Variants in FHIT observed in about 807,000 individuals in gnomAD.
The protein encoded by FHIT is bis(5'-adenosyl)-triphosphatase.
A neutral mutation model predicts 17.9 loss-of-function variants in FHIT; 19 were observed. The ratio of observed to expected loss-of-function variants is 1.06; its 90% CI spans 0.74 to 1.56. The LOEUF (loss-of-function observed/expected upper bound fraction) is 1.56. FHIT is among the 40% of genes most tolerant of loss of function. The pLI is 0.00. For synonymous variants in FHIT, 81 were observed against 69.7 expected, an observed-to-expected ratio of 1.16 and a Z score of -0.81; for missense variants, 248 against 189.2, an observed-to-expected ratio of 1.31 and a Z score of -1.82.
intron 2 of FHIT, among the ~76,000 whole-genome samples, chr3:61,054,101 T>C (rs2034128443): frequency 6.6e-6 from 1 of 152,178 alleles, no homozygotes; most frequent in Non-Finnish European, 1.5e-5. Context: ...ACTGGTGTGG[T>C]ATCCCCAAAC....
chr3:60,323,871 A>G (rs1003297131), intron 5 of FHIT, among the ~76,000 whole-genome samples: 3 of 152,286 alleles, frequency 2.0e-5, no homozygotes, highest in Admixed American at 2.0e-4. Context: ...GCTTTGTTAT[A>G]AGGAAGATTA....
At chr3:60,832,850 A>C (rs1332102797) in intron 3 of FHIT, among the ~76,000 whole-genome samples, 1 of 152,238 alleles carries the variant, frequency 6.6e-6, no homozygotes, top group Non-Finnish European at 1.5e-5. Flanking sequence ...AAAGTTAATA[A>C]GAGATTTTAC....
At chr3:60,649,145 C>A (rs1325224939) in intron 4 of FHIT, among the ~76,000 whole-genome samples, 1 of 152,148 alleles carries the variant, frequency 6.6e-6, no homozygotes, top group African/African-American at 2.4e-5. Flanking sequence ...CGCCTGTAAT[C>A]CCAGCACTTT....
At chr3:60,056,339 TTTCTGCCTGAGAGTAACCA>T in intron 5 of FHIT, among the ~76,000 whole-genome samples, 1 of 152,342 alleles carries the variant, frequency 6.6e-6, no homozygotes, top group Admixed American at 6.5e-5. Context: ...ACTAAAAGGT[TTTCTGCCTGAGAGTAACCA>T]TTTAATATAT....
chr3:60,136,943 T>A lies in FHIT; in HGVS notation c.104-122791A>T, dbSNP rs759824983. Among the ~76,000 whole-genome samples the A allele has an allele frequency of 3.3e-5, 5 of 152,262 alleles. No individual in the cohort carries two copies. The East Asian group carries it at 7.7e-4, about 24-fold the overall frequency. On this transcript the variant is annotated intron_variant, in intron 5 of 9. Transcript: ENST00000492590. Reference sequence around the variant, plus strand: ...CAGTGACCTGATAAGAGGTACAATATCTCCTTGGTTTAATATTTCACCTCT... The same window carrying A: ...CAGTGACCTGATAAGAGGTACAATAACTCCTTGGTTTAATATTTCACCTCT...
At chr3:60,229,924 G>A (rs774348711) in intron 5 of FHIT, among the ~76,000 whole-genome samples, 3 of 152,178 alleles carry the variant, frequency 2.0e-5, no homozygotes, top group Non-Finnish European at 4.4e-5. Context: ...TGAGGCTGCA[G>A]TGAGCTATGA....
intron 3 of FHIT, among the ~76,000 whole-genome samples, chr3:61,025,967 T>C (rs1197546218): frequency 6.6e-6 from 1 of 152,218 alleles, no homozygotes; most frequent in African/African-American, 2.4e-5. Context: ...TTATATATTA[T>C]TTTCATTTTA....
At chr3:61,134,057 C>T (rs1018708467) in intron 2 of FHIT, among the ~76,000 whole-genome samples, 1 of 140,832 alleles carries the variant, frequency 7.1e-6, no homozygotes, top group African/African-American at 2.7e-5. Flanking sequence ...CCACTGCACT[C>T]CAGCCTGGGC....
At chr3:60,031,802 G>A (rs1701014171) in intron 5 of FHIT, among the ~76,000 whole-genome samples, 1 of 152,026 alleles carries the variant, frequency 6.6e-6, no homozygotes. Context: ...TAAAAGGAAG[G>A]AAACACATGA....
chr3:60,957,341 G>T (rs782386618), intron 3 of FHIT, among the ~76,000 whole-genome samples: 11 of 147,696 alleles, frequency 7.4e-5, no homozygotes, highest in Non-Finnish European at 1.6e-4. Context: ...GGGTTCAAGC[G>T]ATTCTCCTGC....
intron 8 of FHIT, among the ~76,000 whole-genome samples, chr3:59,778,731 G>T (rs1345523231): frequency 1.3e-5 from 2 of 152,184 alleles, no homozygotes; most frequent in Admixed American, 1.3e-4. Flanking sequence ...AGTACTTTAG[G>T]CTTGTCATGT....
chr3:61,083,399 G>A (rs911305994), intron 2 of FHIT, among the ~76,000 whole-genome samples: 4 of 152,280 alleles, frequency 2.6e-5, no homozygotes, highest in Middle Eastern at 3.4e-3. Context: ...GACCATCCTG[G>A]CTACCACGGT....
rs143635921 is a variant in FHIT, at chr3:59,863,370, C to G, written c.348+58976G>C. Among the ~76,000 whole-genome samples the G allele has an allele frequency of 2.4e-3, 370 of 152,316 alleles. 1 individual carries two copies. The highest frequency in any genetic ancestry group is 8.4e-3 in the African/African-American group (350 of 41,564). On this transcript the variant is annotated intron_variant, in intron 8 of 9. Transcript: ENST00000492590. ...ATTATCTGCTGAAAGCATTCAAAAC[C>G]ATTGGGTATCCCTGAAGGAGAAAGT...
intron 2 of FHIT, among the ~76,000 whole-genome samples, chr3:61,044,626 C>A (rs932404991): frequency 4.6e-5 from 7 of 152,042 alleles, no homozygotes; most frequent in Non-Finnish European, 1.0e-4. Flanking sequence ...TCAGGAAATA[C>A]AGAGACGCCA....
intron 3 of FHIT, among the ~76,000 whole-genome samples, chr3:60,934,911 C>T (rs961175213): frequency 6.6e-6 from 1 of 152,160 alleles, no homozygotes; most frequent in Non-Finnish European, 1.5e-5. Flanking sequence ...ATGTTCATAA[C>T]ACTGCACCCC....
intron 5 of FHIT, among the ~76,000 whole-genome samples, chr3:60,062,219 A>C (rs1406418111): frequency 6.6e-6 from 1 of 152,138 alleles, no homozygotes; most frequent in Non-Finnish European, 1.5e-5. Flanking sequence ...AAAATTAGAC[A>C]TGGCCTTCTT....
intron 8 of FHIT, among the ~76,000 whole-genome samples, chr3:59,879,730 A>G (rs1000092189): frequency 6.6e-6 from 1 of 152,202 alleles, no homozygotes; most frequent in Non-Finnish European, 1.5e-5. Context: ...CAATGATGGG[A>G]TAATCACAGC....
At position 59,871,624 on chromosome 3, in the gene FHIT, G is replaced by C. The variant is rs147870110; in HGVS notation, c.348+50722C>G. Among the ~76,000 whole-genome samples the C allele has an allele frequency of 1.4e-3, 206 of 152,284 alleles. 3 individuals are homozygous for C. In the East Asian group the frequency reaches 0.031, roughly 23 times the overall value. On this transcript the variant is annotated intron_variant, in intron 8 of 9. Transcript: ENST00000492590. Reference sequence around the variant, plus strand: ...TTGCCCACTCCAAAGAACTGATAATGACAGCCAGCCAGGAAGCTACTTGGA... The same window carrying C: ...TTGCCCACTCCAAAGAACTGATAATCACAGCCAGCCAGGAAGCTACTTGGA...
chr3:60,608,844 G>T (rs1553672245), intron 4 of FHIT, among the ~76,000 whole-genome samples: 3 of 152,140 alleles, frequency 2.0e-5, no homozygotes, highest in African/African-American at 7.2e-5. Context: ...GAATTAGTCT[G>T]TAACAATTTC....
Sources: gnomAD v4.1 joint callset for allele counts (sites outside exome capture counted in the v4.1 genomes callset) on GRCh38, gnomAD v4.1.1 for gene constraint, MANE v1.5 for transcripts, NCBI Gene and HGNC (gene_info 2026-07-23, HGNC 2026-07-21) for gene names.